Variants in SLMAP observed in about 807,000 individuals in gnomAD.
SLMAP encodes sarcolemma associated protein.
A neutral mutation model predicts 128.8 loss-of-function variants in SLMAP; 44 were observed. That is an observed-to-expected ratio of 0.34 (90% confidence interval 0.27 to 0.44). SLMAP has a LOEUF of 0.44. Among genes scored for constraint, SLMAP ranks in the 20% least tolerant of loss-of-function variants. The probability of loss-of-function intolerance (pLI) is 1.00; values close to 1 mark genes in which losing one functional copy is unlikely to be tolerated. For missense variants in SLMAP, 787 were observed against 985.3 expected (o/e 0.80, Z 2.69); for synonymous variants, 327 against 348.8 (o/e 0.94, Z 0.70).
chr3:57,842,997 A>T (rs1264341186), intron 4 of SLMAP, among the ~76,000 whole-genome samples: 1 of 152,204 alleles, frequency 6.6e-6, no homozygotes, highest in Non-Finnish European at 1.5e-5. Flanking sequence ...TTTAACAGGA[A>T]TTTTATGAGA....
At chr3:57,869,493 T>A (rs2095415970) in intron 13 of SLMAP, among the ~76,000 whole-genome samples, 1 of 150,866 alleles carries the variant, frequency 6.6e-6, no homozygotes, top group Non-Finnish European at 1.5e-5. Context: ...GGTACATGCC[T>A]GTTGTCCCAG....
At chr3:57,910,566 T>C (rs2096669955) in intron 19 of SLMAP, among the ~76,000 whole-genome samples, 1 of 152,220 alleles carries the variant, frequency 6.6e-6, no homozygotes, top group African/African-American at 2.4e-5. Flanking sequence ...CTTATCACCA[T>C]TTTGCTATTT....
chr3:57,914,425 G>A (rs1433466942), intron 21 of SLMAP, among the ~76,000 whole-genome samples: 6 of 151,734 alleles, frequency 4.0e-5, no homozygotes, highest in Admixed American at 3.9e-4. Context: ...AAAAACAAAT[G>A]TTTTACATTG....
intron 5 of SLMAP, among the ~76,000 whole-genome samples, chr3:57,847,848 TTA>T (rs1393764631): frequency 1.3e-5 from 2 of 152,228 alleles, no homozygotes; most frequent in African/African-American, 2.4e-5. Flanking sequence ...AAAAAATATT[TTA>T]TGTTTTTCTT....
intron 14 of SLMAP, among the ~76,000 whole-genome samples, chr3:57,875,764 T>C (rs1345073425): frequency 6.6e-6 from 1 of 152,208 alleles, no homozygotes. Flanking sequence ...TAACCAGAGT[T>C]GGGAAAGTGA....
intron 2 of SLMAP, among the ~76,000 whole-genome samples, chr3:57,823,545 G>A (rs1286546623): frequency 6.6e-6 from 1 of 152,020 alleles, no homozygotes; most frequent in South Asian, 2.1e-4. Flanking sequence ...CAAAGGACAT[G>A]AACTCATCAT....
At chr3:57,831,307 G>A (rs556428489) in intron 2 of SLMAP, 76 bp from the exon 3 acceptor site, 3 of 1,089,364 alleles carry the variant, frequency 2.8e-6, no homozygotes, top group African/African-American at 3.3e-5. Context: ...AAAGCTGGAA[G>A]CATTTTTTTA....
At chr3:57,837,705 A>T (rs1444116626) in intron 3 of SLMAP, among the ~76,000 whole-genome samples, 1 of 152,194 alleles carries the variant, frequency 6.6e-6, no homozygotes, top group African/African-American at 2.4e-5. Context: ...TCCCAAACTC[A>T]TCAGACCCTC....
At chr3:57,900,096 G>A (rs974352673) in intron 17 of SLMAP, 3 of 152,156 alleles carry the variant, frequency 2.0e-5, no homozygotes, top group Non-Finnish European at 4.4e-5. Context: ...GACCTTTACA[G>A]CTATATAAGG....
chr3:57,860,234 G>A (rs1254901608), intron 8 of SLMAP, among the ~76,000 whole-genome samples: 1 of 152,148 alleles, frequency 6.6e-6, no homozygotes, highest in Non-Finnish European at 1.5e-5. Context: ...GCTTCATGCT[G>A]TCATTTCAGA....
At chr3:57,872,276 T>G (rs1222231873) in intron 14 of SLMAP, among the ~76,000 whole-genome samples, 2 of 152,064 alleles carry the variant, frequency 1.3e-5, no homozygotes, top group Non-Finnish European at 2.9e-5. Flanking sequence ...CACTCCAGGC[T>G]GGGCAACAGA....
intron 11 of SLMAP, 34 bp downstream of exon 11, chr3:57,864,750 A>T (rs1560309380): frequency 2.6e-6 from 4 of 1,561,760 alleles, no homozygotes; most frequent in East Asian, 2.3e-5. Context: ...ATTTTATTTT[A>T]TTTTTTTTCT....
At chr3:57,766,165 ATTTTTTTTTTT>A (rs869169620) in intron 2 of SLMAP, among the ~76,000 whole-genome samples, 3 of 85,704 alleles carry the variant, frequency 3.5e-5, no homozygotes, top group Admixed American at 1.6e-4. Context: ...CACCCGGCTA[ATTTTTTTTTTT>A]TTTTTTTTTT....
intron 2 of SLMAP, among the ~76,000 whole-genome samples, chr3:57,762,041 G>A (rs565267752): frequency 2.2e-5 from 3 of 136,640 alleles, no homozygotes; most frequent in South Asian, 2.4e-4. Flanking sequence ...GCGACAGAGC[G>A]AGACTCCGTC....
rs142871558 is a variant in SLMAP at position 57,861,934 on chromosome 3, A to C, written c.829-15A>C. 1 of 1,604,934 alleles carries C rather than the reference A, an allele frequency of 6.2e-7. No individual in the cohort carries two copies. Among genetic ancestry groups the C allele is most frequent in the Non-Finnish European group, 8.5e-7 (1 of 1,173,522 alleles). On this transcript the variant is annotated splice_polypyrimidine_tract_variant and intron_variant, in intron 9 of 24. Transcript: ENST00000671191. ...CACTTATTCTAATTAAATTGCCTGT[A>C]AACTTGAATCGCAGCGAAGTCTGAG...
intron 17 of SLMAP, among the ~76,000 whole-genome samples, chr3:57,906,545 G>C (rs1183921012): frequency 1.4e-5 from 2 of 148,104 alleles, no homozygotes; most frequent in Non-Finnish European, 3.0e-5. Flanking sequence ...TCAAACTCCT[G>C]ACCTCAAGTG....
chr3:57,823,043 C>G (rs2092643093), intron 2 of SLMAP, among the ~76,000 whole-genome samples: 1 of 152,126 alleles, frequency 6.6e-6, no homozygotes, highest in Non-Finnish European at 1.5e-5. Context: ...TCCAGAGTTA[C>G]CACATTACAG....
At chr3:57,783,805 C>T (rs1435359389) in intron 2 of SLMAP, among the ~76,000 whole-genome samples, 1 of 152,136 alleles carries the variant, frequency 6.6e-6, no homozygotes, top group African/African-American at 2.4e-5. Flanking sequence ...GTGCAGACCT[C>T]TAGGAAGACA....
chr3:57,762,556 G>T (rs925102352), intron 2 of SLMAP, among the ~76,000 whole-genome samples: 2 of 152,140 alleles, frequency 1.3e-5, no homozygotes, highest in African/African-American at 4.8e-5. Context: ...AGGGTGACAG[G>T]TTTGGCACAA....
Sources: gnomAD v4.1 joint callset for allele counts (sites outside exome capture counted in the v4.1 genomes callset) on GRCh38, gnomAD v4.1.1 for gene constraint, MANE v1.5 for transcripts, NCBI Gene and HGNC (gene_info 2026-07-23, HGNC 2026-07-21) for gene names.